Variants in SDSL observed in about 807,000 individuals in gnomAD.
SDSL encodes serine dehydratase-like.
A neutral mutation model predicts 27.6 loss-of-function variants in SDSL; 26 were observed. That is an observed-to-expected ratio of 0.94 (90% CI 0.69 to 1.31). The LOEUF (loss-of-function observed/expected upper bound fraction) is 1.31. SDSL is among the 50% of genes most tolerant of loss of function. SDSL has a pLI of 0.00. For missense variants in SDSL, 431 were observed against 423.5 expected, an observed-to-expected ratio of 1.02 and a Z score of -0.16; for synonymous variants, 196 against 180.6, an observed-to-expected ratio of 1.09 and a Z score of -0.69.
At chr12:113,433,660 T>C (rs1309160373) in intron 4 of SDSL, among the ~76,000 whole-genome samples, 1 of 152,180 alleles carries the variant, frequency 6.6e-6, no homozygotes, top group Non-Finnish European at 1.5e-5. Context: ...GGGTCCATCA[T>C]GGTCAGGGCC....
chr12:113,436,718 G>T, intron 6 of SDSL, 33 bp from the exon 7 acceptor site: 1 of 1,548,172 alleles, frequency 6.5e-7, no homozygotes, highest in South Asian at 1.2e-5. Context: ...CTGAGCCCCT[G>T]GTCTCCCTGC....
At position 113,428,443 on chromosome 12, in the gene SDSL, C is replaced by T. The variant is rs750722804; in HGVS notation, c.198C>T (p.His66=). 6.2e-7 allele frequency: 1 copy of T among 1,612,522 alleles called. No individual in the cohort carries two copies. The highest frequency in any genetic ancestry group is 1.1e-5 in the South Asian group (1 of 90,788). ...CQEMAKKGCR[H]LVCSSGGNAG... ...AGATGGCCAAGAAGGGATGCAGACA[C>T]CTGGTGTGCTCCTCAGGTGACCCCA... is the stretch of plus-strand genomic sequence containing the variant. The change falls in exon 3 of 8, where the codon CAC becomes CAT. Residue 66 remains histidine, a synonymous_variant. Coordinates refer to ENST00000403593, the MANE Select transcript of SDSL (RefSeq NM_001304993.2).
At chr12:113,437,021 A>G (rs910490082) in intron 7 of SDSL, 146 bp downstream of exon 7, 1 of 727,750 alleles carries the variant, frequency 1.4e-6, no homozygotes, top group East Asian at 3.5e-5. Context: ...CACGTCGAGT[A>G]GATGGAAGGG....
chr12:113,426,129 G>A (rs1214394365), intron 1 of SDSL: 2 of 454,656 alleles, frequency 4.4e-6, no homozygotes, highest in Non-Finnish European at 8.8e-6. Flanking sequence ...CCACATCTCC[G>A]CCCTCACCCC....
chr12:113,430,860 G>C lies in SDSL; in HGVS notation c.354+1561G>C, dbSNP rs761744319. 7.9e-5 allele frequency among the ~76,000 whole-genome samples: 12 copies of C among 152,218 alleles called. 1 individual carries two copies. Among genetic ancestry groups the C allele is most frequent in the Non-Finnish European group, 1.5e-4 (10 of 68,042 alleles). ...AGTTGGGAGGATCACTTGAGCCCAG[G>C]AGTTTGAGGCCAGCCTGGGCAACAT... On this transcript the variant is annotated intron_variant, in intron 4 of 7. Transcript: ENST00000403593.
At chr12:113,434,020 G>A in intron 4 of SDSL, 114 bp from the exon 5 acceptor site, 1 of 789,914 alleles carries the variant, frequency 1.3e-6, no homozygotes, top group Non-Finnish European at 2.1e-6. Context: ...TCATCTGCAG[G>A]GCTGTCCCCA....
intron 1 of SDSL, among the ~76,000 whole-genome samples, chr12:113,423,103 G>A (rs971491603): frequency 2.0e-5 from 3 of 152,228 alleles, no homozygotes; most frequent in Admixed American, 1.3e-4. Context: ...GGGTTGATAA[G>A]GCTGTTGGCA....
chr12:113,429,348 C>T, intron 4 of SDSL, 49 bp downstream of exon 4: 1 of 1,554,600 alleles, frequency 6.4e-7, no homozygotes. Flanking sequence ...TGCTCTCCTT[C>T]ACCTCACCCC....
chr12:113,426,277 A>G (rs1040527477), intron 1 of SDSL: 1 of 455,680 alleles, frequency 2.2e-6, no homozygotes, highest in African/African-American at 2.0e-5. Flanking sequence ...ATCCATTTCA[A>G]AGTTCCCCTT....
At chr12:113,422,665 G>C (rs554686350) in intron 1 of SDSL, 188 bp downstream of exon 1, 1 of 152,440 alleles carries the variant, frequency 6.6e-6, no homozygotes, top group East Asian at 1.9e-4. Context: ...CCCTGCAGAA[G>C]AAAGTGTTGT....
chr12:113,435,282 T>A (rs1957973905), intron 5 of SDSL, 47 bp from the exon 6 acceptor site: 1 of 1,353,646 alleles, frequency 7.4e-7, no homozygotes, highest in African/African-American at 1.5e-5. Context: ...CCATCTGGGC[T>A]GGGGTCCTCC....
chr12:113,430,811 T>C (rs1241473749), intron 4 of SDSL, among the ~76,000 whole-genome samples: 1 of 152,208 alleles, frequency 6.6e-6, no homozygotes, highest in African/African-American at 2.4e-5. Flanking sequence ...TGTGCACCTG[T>C]AGTCTCAGCT....
Position 113,428,155 on chromosome 12 carries a change from A to G in SDSL, c.173A>G (p.Glu58Gly). Residue 58 changes from glutamate to glycine, a missense_variant and splice_region_variant, in exon 2 of 8, where the codon GAG becomes GGG. Transcript: ENST00000403593. ...KIRGIGHFCQEMAKKGCRHLV... is the reference protein window; with the variant it reads ...KIRGIGHFCQGMAKKGCRHLV... Reference sequence around the variant, plus strand: ...CGGGGCATTGGGCATTTCTGCCAGGAGGTGAGGGTGTGTGGGAAGGAGGGG... The same window carrying G: ...CGGGGCATTGGGCATTTCTGCCAGGGGGTGAGGGTGTGTGGGAAGGAGGGG... The G allele has an allele frequency of 6.3e-7, 1 of 1,598,800 alleles. No homozygotes were observed. Among genetic ancestry groups the G allele is most frequent in the Non-Finnish European group, 8.5e-7 (1 of 1,171,398 alleles).
intron 3 of SDSL, among the ~76,000 whole-genome samples, chr12:113,428,917 A>AT (rs1957885270): frequency 4.0e-5 from 6 of 150,092 alleles, no homozygotes; most frequent in Admixed American, 2.7e-4. Context: ...CAATCCTGGA[A>AT]TTGTTTTTTT....
chr12:113,423,697 G>A (rs1223260493), intron 1 of SDSL, among the ~76,000 whole-genome samples: 1 of 152,142 alleles, frequency 6.6e-6, no homozygotes, highest in African/African-American at 2.4e-5. Flanking sequence ...AGCCATGATC[G>A]TGCCACTGCA....
Position 113,428,073 on chromosome 12 carries a change from G to A in SDSL, c.91G>A (p.Gly31Ser). Residue 31 changes from glycine to serine, a missense_variant, in exon 2 of 8, where the codon GGC becomes AGC. Gly to Ser is a moderately conservative substitution (Grantham distance 56). Coordinates refer to ENST00000403593, the MANE Select transcript of SDSL (RefSeq NM_001304993.2). Reference sequence around the variant, plus strand: ...GAGCTGGGCGCTGTCCCAGGTGGCGGGCATGCCTGTCTTCCTCAAGTGTGA... The same window carrying A: ...GAGCTGGGCGCTGTCCCAGGTGGCGAGCATGCCTGTCTTCCTCAAGTGTGA... ...LESWALSQVA[G>S]MPVFLKCENV... 2 of 1,613,980 alleles carry A rather than the reference G, an allele frequency of 1.2e-6. No individual in the cohort carries two copies. Among genetic ancestry groups the A allele is most frequent in the Non-Finnish European group, 1.7e-6 (2 of 1,179,990 alleles).
In SDSL at chr12:113,438,171, G is replaced by C; in HGVS notation, c.*92G>C. ...GACTCAGTGCTGGCAGATGGCAGTG[G>C]AAGCTGCCCTGTGCAACTGTGCTGG... is the stretch of plus-strand genomic sequence containing the variant. On this transcript the variant is annotated 3_prime_UTR_variant, in exon 8 of 8. Coordinates refer to ENST00000403593, the MANE Select transcript of SDSL (RefSeq NM_001304993.2). 4.3e-6 allele frequency: 5 copies of C among 1,150,780 alleles called. No individual in the cohort carries two copies. The highest frequency in any genetic ancestry group is 1.5e-5 in the African/African-American group (1 of 64,642). The allele number at this position is 1,150,780 out of a possible 1,614,324, so 71.3% of individuals were successfully genotyped here. A position where few individuals can be genotyped will look rare whatever the true frequency, so the allele number is the denominator to read the frequency against.
rs746091136 is a variant in SDSL at position 113,435,512 on chromosome 12, G to C, written c.627G>C (p.Ala209=). ...METHGAHCFN[A]AITAGKLVTL... is the part of the protein sequence containing the mutation. ...CCCATGGGGCACACTGCTTCAATGC[G>C]GCCATCACAGCCGGCAAGCTGGTCA... Residue 209 remains alanine (A), a synonymous_variant, in exon 6 of 8, where the codon GCG becomes GCC. Transcript: ENST00000403593. 10 of 1,614,024 alleles carry C rather than the reference G, an allele frequency of 6.2e-6. No homozygotes were observed. Among genetic ancestry groups the C allele is most frequent in the Non-Finnish European group, 8.5e-6 (10 of 1,179,958 alleles).
At chr12:113,423,921 C>T (rs1436912010) in intron 1 of SDSL, among the ~76,000 whole-genome samples, 1 of 152,140 alleles carries the variant, frequency 6.6e-6, no homozygotes, top group Non-Finnish European at 1.5e-5. Flanking sequence ...CTCATTGAAT[C>T]CTCACAATAG....
Sources: allele counts gnomAD v4.1 joint callset (sites outside exome capture counted in the v4.1 genomes callset), GRCh38; gene constraint gnomAD v4.1.1; transcripts MANE v1.5; gene names NCBI Gene and HGNC (gene_info 2026-07-23, HGNC 2026-07-21).